Variants in BIN1 observed in about 807,000 individuals in gnomAD.
The protein encoded by BIN1 is bridging integrator 1.
Under a neutral mutation model 82.0 loss-of-function variants are expected in BIN1, and 53 were observed. That is an observed-to-expected ratio of 0.65 (90% confidence interval 0.52 to 0.81). The LOEUF (loss-of-function observed/expected upper bound fraction) is 0.81. Ranked by LOEUF, BIN1 falls within the 40% of genes least tolerant of loss-of-function variation. BIN1 has a pLI of 0.00. For missense variants in BIN1, 642 were observed against 784.4 expected (o/e 0.82, Z 2.17); for synonymous variants, 302 against 328.0 (o/e 0.92, Z 0.86).
intron 18 of BIN1, 148 bp downstream of exon 18, chr2:127,050,273 G>A: frequency 1.3e-6 from 1 of 762,898 alleles, no homozygotes; most frequent in South Asian, 1.6e-5. Flanking sequence ...GCCCGACGTG[G>A]AGGGCGGGGA....
At chr2:127,052,214 A>C (rs762615697) in intron 15 of BIN1, 41 bp downstream of exon 15, 22 of 1,537,382 alleles carry the variant, frequency 1.4e-5, no homozygotes, top group Non-Finnish European at 1.9e-5. Context: ...ACCCCTAGAG[A>C]CTGGGGACAA....
Position 127,107,045 on chromosome 2 carries a change from T to G in BIN1, c.-102A>C. On this transcript the variant is annotated 5_prime_UTR_variant, in exon 1 of 19. Transcript: ENST00000316724. This position sits in a 1 kb window ranked among gnomAD's most constrained non-coding sequence, Gnocchi z 5.9. ...GCCCCGGCCGCGCGTCCAGACCGGC[T>G]GCCGCTCCACGCCGCGCACCCGACA... 1 of 1,209,618 alleles carries G rather than the reference T, an allele frequency of 8.3e-7. No homozygotes were observed. The highest frequency in any genetic ancestry group is 1.1e-6 in the Non-Finnish European group (1 of 931,516). 74.9% of individuals were successfully genotyped at this position (1,209,618 alleles called of 1,614,324 possible). A position where few individuals can be genotyped will look rare whatever the true frequency, so the allele number is the denominator to read the frequency against.
At chr2:127,060,990 CT>C (rs1019450539) in intron 10 of BIN1, among the ~76,000 whole-genome samples, 1 of 152,184 alleles carries the variant, frequency 6.6e-6, no homozygotes, top group African/African-American at 2.4e-5. Flanking sequence ...CACAAGAGGC[CT>C]CTCTGCTGGA....
At chr2:127,094,874 C>T (rs778496426) in intron 1 of BIN1, among the ~76,000 whole-genome samples, 40 of 152,194 alleles carry the variant, frequency 2.6e-4, no homozygotes, top group African/African-American at 2.7e-4. Context: ...GGTGCTGCCC[C>T]GAATGCCCTC....
intron 1 of BIN1, among the ~76,000 whole-genome samples, chr2:127,092,925 T>C (rs13389409): frequency 0.37 from 55,069 of 150,596 alleles, 10,382 homozygotes; most frequent in African/African-American, 0.45. Flanking sequence ...GCTCTCTCCA[T>C]CAAGAGCAGC....
At chr2:127,091,486 C>T (rs750570966) in intron 1 of BIN1, among the ~76,000 whole-genome samples, 23 of 152,242 alleles carry the variant, frequency 1.5e-4, no homozygotes, top group Non-Finnish European at 2.4e-4. Context: ...GAGTCCAAGG[C>T]TGATTCCACT....
chr2:127,099,812 T>TC, intron 1 of BIN1, among the ~76,000 whole-genome samples: 1 of 129,764 alleles, frequency 7.7e-6, no homozygotes, highest in East Asian at 3.3e-4. Context: ...GCGCCTGGCC[T>TC]TTTTTTTTTG....
chr2:127,104,068 C>A (rs1167378090), intron 1 of BIN1, among the ~76,000 whole-genome samples: 4 of 152,350 alleles, frequency 2.6e-5, no homozygotes, highest in East Asian at 3.9e-4. Context: ...GACACATGCA[C>A]CCTGCCTGAG....
chr2:127,072,768 T>C (rs1041864733), intron 2 of BIN1, among the ~76,000 whole-genome samples: 4 of 152,156 alleles, frequency 2.6e-5, no homozygotes, highest in Admixed American at 2.0e-4. Flanking sequence ...CCACGGACAC[T>C]GAGACCTCCC....
intron 1 of BIN1, among the ~76,000 whole-genome samples, chr2:127,087,461 G>A (rs1558867575): frequency 6.6e-6 from 1 of 152,244 alleles, no homozygotes; most frequent in Non-Finnish European, 1.5e-5. Flanking sequence ...CAGCCAGGGT[G>A]GTGCCACGTG....
chr2:127,065,095 C>T (rs1157660044), intron 7 of BIN1, among the ~76,000 whole-genome samples: 4 of 152,208 alleles, frequency 2.6e-5, no homozygotes, highest in African/African-American at 7.2e-5. Context: ...ACAAAGCACA[C>T]GATTGCCCCA....
chr2:127,070,003 C>T lies in BIN1; in HGVS notation c.403G>A (p.Asp135Asn), dbSNP rs766894632. The change falls in exon 5 of 19, where the codon GAC becomes AAC. Residue 135 changes from aspartate (D) to asparagine (N), a missense_variant. Transcript: ENST00000316724. The stretch of plus-strand genomic sequence containing the variant: ...GCAAGTGGGTCTCTCACCTTGATGT[C>T]GGGGAACTGGCCCAGGTACGTGTCC... ...TMDTYLGQFP[D>N]IKSRIAKRGR... The T allele has an allele frequency of 5.0e-6, 8 of 1,613,952 alleles. No homozygotes were observed. The highest frequency in any genetic ancestry group is 1.3e-5 in the African/African-American group (1 of 74,940).
chr2:127,091,938 G>A (rs1573772517), intron 1 of BIN1, among the ~76,000 whole-genome samples: 1 of 151,558 alleles, frequency 6.6e-6, no homozygotes, highest in East Asian at 1.9e-4. Flanking sequence ...TGGGGGGAAT[G>A]GAACGGAGAG....
At position 127,068,561 on chromosome 2, in the gene BIN1, C is replaced by T. The variant is rs1685455473; in HGVS notation, c.520-306G>A. Among the ~76,000 whole-genome samples, 1 of 152,190 alleles carries T rather than the reference C, an allele frequency of 6.6e-6. No individual in the cohort carries two copies. Among genetic ancestry groups the T allele is most frequent in the Non-Finnish European group, 1.5e-5 (1 of 68,026 alleles). On this transcript the variant is annotated intron_variant, in intron 6 of 18. Transcript: ENST00000316724. This position sits in a 1 kb window ranked among gnomAD's most constrained non-coding sequence, Gnocchi z 4.9. Reference sequence around the variant, plus strand: ...CAAAGGATGAGTGGGGCCAGCTCTGCACCTACTGGCTCGCTCCAGCCAGGG... The same window carrying T: ...CAAAGGATGAGTGGGGCCAGCTCTGTACCTACTGGCTCGCTCCAGCCAGGG...
intron 13 of BIN1, 126 bp downstream of exon 13, chr2:127,053,779 C>A: frequency 1.1e-6 from 1 of 935,478 alleles, no homozygotes. Flanking sequence ...GGGCTGAAGG[C>A]TGAGGTGCCA....
chr2:127,051,315 G>A, intron 15 of BIN1, 72 bp from the exon 16 acceptor site: 1 of 1,524,350 alleles, frequency 6.6e-7, no homozygotes, highest in Non-Finnish European at 9.0e-7. Flanking sequence ...ACAGGCCACA[G>A]GAGGGCAGCA....
At chr2:127,073,142 C>T (rs1017656075) in intron 2 of BIN1, among the ~76,000 whole-genome samples, 4 of 152,222 alleles carry the variant, frequency 2.6e-5, no homozygotes, top group East Asian at 1.9e-4. Context: ...GCACGTGGCA[C>T]GCAGATGTGC....
chr2:127,071,102 G>A (rs1449878026), intron 2 of BIN1, among the ~76,000 whole-genome samples: 3 of 152,140 alleles, frequency 2.0e-5, no homozygotes, highest in Non-Finnish European at 4.4e-5. Context: ...CCGAGATGAC[G>A]TGCTGGAGGT....
chr2:127,070,734 G>A, intron 3 of BIN1, 28 bp downstream of exon 3: 1 of 1,613,960 alleles, frequency 6.2e-7, no homozygotes, highest in Non-Finnish European at 8.5e-7. Context: ...GCTCTACACG[G>A]GCCAGGTGCG....
Sources: allele counts gnomAD v4.1 joint callset (sites outside exome capture counted in the v4.1 genomes callset), GRCh38; gene constraint gnomAD v4.1.1; non-coding constraint Gnocchi (gnomAD v3.1); transcripts MANE v1.5; gene names NCBI Gene and HGNC (gene_info 2026-07-23, HGNC 2026-07-21).